HS3ST4: variants seen among roughly 807,000 people sequenced by gnomAD.
HS3ST4 encodes heparan sulfate-glucosamine 3-sulfotransferase 4.
In HS3ST4, 17 loss-of-function variants were observed where a neutral mutation model predicts 29.2. That is an observed-to-expected ratio of 0.58 (90% CI 0.40 to 0.87). The LOEUF (loss-of-function observed/expected upper bound fraction) is 0.87, where lower values mean the gene tolerates loss of function less well. Ranked by LOEUF, HS3ST4 falls within the 40% of genes least tolerant of loss-of-function variation. The pLI is 0.00. For synonymous variants in HS3ST4, 314 were observed against 285.7 expected (o/e 1.10, Z -1.00); for missense variants, 627 against 634.5 (o/e 0.99, Z 0.13).
At chr16:25,864,112 G>T (rs1358440761) in intron 1 of HS3ST4, among the ~76,000 whole-genome samples, 2 of 152,160 alleles carry the variant, frequency 1.3e-5, no homozygotes, top group Non-Finnish European at 2.9e-5. Context: ...CACCACTCAG[G>T]CTGGGCTAGG....
At chr16:25,799,208 AT>A (rs1966908540) in intron 1 of HS3ST4, among the ~76,000 whole-genome samples, 1 of 152,104 alleles carries the variant, frequency 6.6e-6, no homozygotes, top group Non-Finnish European at 1.5e-5. Flanking sequence ...GTTGTAAGTG[AT>A]TTCCATGCCA....
At chr16:25,703,255 C>T (rs1966348614) in intron 1 of HS3ST4, among the ~76,000 whole-genome samples, 1 of 152,116 alleles carries the variant, frequency 6.6e-6, no homozygotes, top group Non-Finnish European at 1.5e-5. Context: ...GAATCAGAGA[C>T]AAACCATGGT....
intron 1 of HS3ST4, among the ~76,000 whole-genome samples, chr16:25,920,609 T>TC (rs1968340538): frequency 5.0e-5 from 6 of 121,046 alleles, no homozygotes; most frequent in South Asian, 5.9e-4. Flanking sequence ...CCCACCCCTC[T>TC]TTTTTTTTTT....
intron 1 of HS3ST4, among the ~76,000 whole-genome samples, chr16:26,020,135 G>A (rs866628621): frequency 1.1e-4 from 17 of 152,304 alleles, no homozygotes; most frequent in Middle Eastern, 3.4e-3. Flanking sequence ...GGCATGCAGA[G>A]CTTCTGGAAA....
intron 1 of HS3ST4, among the ~76,000 whole-genome samples, chr16:25,875,411 G>T (rs185912431): frequency 6.6e-6 from 1 of 152,150 alleles, no homozygotes; most frequent in African/African-American, 2.4e-5. Flanking sequence ...GCTGGTCCAG[G>T]CTGCAAGTCT....
chr16:25,800,441 A>T (rs200817878), intron 1 of HS3ST4, among the ~76,000 whole-genome samples: 1 of 95,924 alleles, frequency 1.0e-5, no homozygotes, highest in Non-Finnish European at 2.6e-5. Flanking sequence ...TTTCTCTCCC[A>T]CCTCTTTCTC....
At chr16:26,013,656 C>G (rs1969333499) in intron 1 of HS3ST4, among the ~76,000 whole-genome samples, 1 of 152,158 alleles carries the variant, frequency 6.6e-6, no homozygotes, top group Non-Finnish European at 1.5e-5. Flanking sequence ...GTTCTCACCT[C>G]AGGGCCTTCG....
chr16:25,939,468 G>C (rs1221585274), intron 1 of HS3ST4, among the ~76,000 whole-genome samples: 2 of 151,922 alleles, frequency 1.3e-5, no homozygotes, highest in Non-Finnish European at 2.9e-5. Flanking sequence ...CTCCCGAGTA[G>C]CTGGGATTAC....
intron 1 of HS3ST4, among the ~76,000 whole-genome samples, chr16:25,931,476 A>G (rs1968463075): frequency 6.6e-6 from 1 of 152,248 alleles, no homozygotes; most frequent in Non-Finnish European, 1.5e-5. Flanking sequence ...TAACCATTCA[A>G]TGTATTGACC....
intron 1 of HS3ST4, among the ~76,000 whole-genome samples, chr16:26,121,969 T>C (rs1156690234): frequency 2.6e-5 from 4 of 152,170 alleles, no homozygotes; most frequent in African/African-American, 9.6e-5. Context: ...AGGGAAAATG[T>C]TGTCTTAGAA....
At chr16:25,794,744 G>A (rs577111049) in intron 1 of HS3ST4, among the ~76,000 whole-genome samples, 1 of 151,770 alleles carries the variant, frequency 6.6e-6, no homozygotes, top group South Asian at 2.1e-4. Flanking sequence ...TATTCTTATT[G>A]GGAGTTGTTT....
At chr16:26,094,709 A>C (rs1048347580) in intron 1 of HS3ST4, among the ~76,000 whole-genome samples, 3 of 152,202 alleles carry the variant, frequency 2.0e-5, no homozygotes, top group Non-Finnish European at 2.9e-5. Context: ...GCCTAAATTA[A>C]TGGGCAAAAT....
At chr16:26,131,915 C>A (rs1899425566) in intron 1 of HS3ST4, among the ~76,000 whole-genome samples, 1 of 152,178 alleles carries the variant, frequency 6.6e-6, no homozygotes, top group Non-Finnish European at 1.5e-5. Context: ...TGTCACCGAT[C>A]CTGGTGTTGA....
intron 1 of HS3ST4, among the ~76,000 whole-genome samples, chr16:25,987,328 A>C (rs1309639103): frequency 6.6e-6 from 1 of 151,958 alleles, no homozygotes; most frequent in East Asian, 1.9e-4. Context: ...CAGCCTGGGC[A>C]ACAAGAGCAA....
chr16:26,134,008 G>C (rs1206391292), intron 1 of HS3ST4, among the ~76,000 whole-genome samples: 1 of 152,186 alleles, frequency 6.6e-6, no homozygotes, highest in Non-Finnish European at 1.5e-5. Flanking sequence ...CAAATTGACT[G>C]TATAATGGCA....
At chr16:26,134,598 G>A (rs1277499168) in intron 1 of HS3ST4, among the ~76,000 whole-genome samples, 1 of 152,008 alleles carries the variant, frequency 6.6e-6, no homozygotes, top group Non-Finnish European at 1.5e-5. Context: ...CTGACCTTGT[G>A]ATCTGCCTTC....
chr16:26,079,042 G>A (rs1159385939), intron 1 of HS3ST4, among the ~76,000 whole-genome samples: 1 of 152,186 alleles, frequency 6.6e-6, no homozygotes, highest in East Asian at 1.9e-4. Context: ...AAAAGAAGGG[G>A]CTCTTCCCAG....
At chr16:25,993,951 TG>T in intron 1 of HS3ST4, among the ~76,000 whole-genome samples, 1 of 2,484 alleles carries the variant, frequency 4.0e-4, no homozygotes, top group Non-Finnish European at 1.2e-3. Flanking sequence ...CATAACCTCG[TG>T]TGTGTGTGTG....
chr16:25,720,184 GGAA>G (rs1966483423), intron 1 of HS3ST4, among the ~76,000 whole-genome samples: 1 of 152,160 alleles, frequency 6.6e-6, no homozygotes, highest in Admixed American at 6.5e-5. Context: ...GTGGAAATCT[GGAA>G]GAAGGACATT....
Sources: gnomAD v4.1 joint callset for allele counts (sites outside exome capture counted in the v4.1 genomes callset) on GRCh38, gnomAD v4.1.1 for gene constraint, MANE v1.5 for transcripts, NCBI Gene and HGNC (gene_info 2026-07-23, HGNC 2026-07-21) for gene names.